Variants in GRM7 observed in about 807,000 individuals in gnomAD.
The protein encoded by GRM7 is glutamate metabotropic receptor 7.
In GRM7, 35 loss-of-function variants were observed where a neutral mutation model predicts 84.5. The ratio of observed to expected loss-of-function variants is 0.41; its 90% CI spans 0.32 to 0.55. The LOEUF is 0.55. GRM7 is among the 20% of genes least tolerant of loss of function. The pLI is 0.19. For missense variants in GRM7, 1,003 were observed against 1,194.6 expected (o/e 0.84, Z 2.36); for synonymous variants, 487 against 455.1 (o/e 1.07, Z -0.89).
At chr3:7,670,482 T>C (rs1699872015) in intron 8 of GRM7, among the ~76,000 whole-genome samples, 2 of 152,200 alleles carry the variant, frequency 1.3e-5, no homozygotes, top group South Asian at 4.1e-4. Flanking sequence ...TGACATTGTC[T>C]TCTTGTCGAT....
chr3:7,163,253 A>G (rs1284978528), intron 2 of GRM7, among the ~76,000 whole-genome samples: 1 of 152,216 alleles, frequency 6.6e-6, no homozygotes, highest in Non-Finnish European at 1.5e-5. Context: ...GAAAACACAG[A>G]AATATCAGAA....
intron 1 of GRM7, among the ~76,000 whole-genome samples, chr3:6,929,261 C>A (rs1697414578): frequency 6.6e-6 from 1 of 152,124 alleles, no homozygotes; most frequent in Admixed American, 6.6e-5. Flanking sequence ...AGCATCCACC[C>A]CTGCTCCTTG....
At chr3:6,926,373 A>C (rs929855457) in intron 1 of GRM7, among the ~76,000 whole-genome samples, 2 of 152,132 alleles carry the variant, frequency 1.3e-5, no homozygotes, top group African/African-American at 4.8e-5. Flanking sequence ...TAGTGTTTTA[A>C]TCTTATGTTT....
chr3:7,461,516 C>T (rs1698246396), intron 6 of GRM7, 67 bp from the exon 7 acceptor site: 2 of 1,302,666 alleles, frequency 1.5e-6, no homozygotes, highest in Non-Finnish European at 2.2e-6. Context: ...GCCTGTCACC[C>T]ATAGTACAAG....
chr3:7,129,263 C>T (rs1453033464), intron 1 of GRM7, among the ~76,000 whole-genome samples: 1 of 152,162 alleles, frequency 6.6e-6, no homozygotes, highest in Non-Finnish European at 1.5e-5. Flanking sequence ...TTGCCTTCTA[C>T]ACAAATACTT....
intron 2 of GRM7, among the ~76,000 whole-genome samples, chr3:7,282,968 T>C (rs1342943593): frequency 6.6e-6 from 1 of 152,214 alleles, no homozygotes; most frequent in Non-Finnish European, 1.5e-5. Context: ...ACTAAGTTTT[T>C]ATCACTGGGC....
chr3:6,956,926 A>G (rs1335481716), intron 1 of GRM7, among the ~76,000 whole-genome samples: 1 of 152,256 alleles, frequency 6.6e-6, no homozygotes, highest in Non-Finnish European at 1.5e-5. Context: ...TTAAAATAAC[A>G]TGCAATGATA....
At chr3:7,641,410 G>A (rs1215683268) in intron 8 of GRM7, among the ~76,000 whole-genome samples, 1 of 152,146 alleles carries the variant, frequency 6.6e-6, no homozygotes, top group African/African-American at 2.4e-5. Flanking sequence ...AACAGGTGAA[G>A]AATAAAACCA....
At chr3:7,410,571 C>A (rs1052378272) in intron 4 of GRM7, among the ~76,000 whole-genome samples, 3 of 139,106 alleles carry the variant, frequency 2.2e-5, no homozygotes, top group African/African-American at 5.6e-5. Context: ...GACCCTGTCT[C>A]AAAAAAACAA....
At chr3:7,208,983 A>G (rs879831313) in intron 2 of GRM7, among the ~76,000 whole-genome samples, 2 of 152,228 alleles carry the variant, frequency 1.3e-5, no homozygotes, top group Non-Finnish European at 2.9e-5. Context: ...TGATAAAACC[A>G]TCATAAGTTG....
In GRM7 at chr3:7,146,438, T is replaced by C. The variant is rs1694113458; in HGVS notation, c.520-14T>C. On this transcript the variant is annotated splice_polypyrimidine_tract_variant and intron_variant, in intron 1 of 9. Coordinates refer to ENST00000357716, the MANE Select transcript of GRM7 (RefSeq NM_000844.4). The stretch of plus-strand genomic sequence containing the variant: ...GACGGTGCACTCTCACGTGGTGCTT[T>C]CTTGTCTTTGCAGATCCCCCAGATT... 1 of 1,599,884 alleles carries C rather than the reference T, an allele frequency of 6.3e-7. No individual in the cohort carries two copies. The highest frequency in any genetic ancestry group is 8.6e-7 in the Non-Finnish European group (1 of 1,168,234).
intron 1 of GRM7, among the ~76,000 whole-genome samples, chr3:7,137,033 T>C (rs566036308): frequency 8.1e-4 from 124 of 152,268 alleles, no homozygotes; most frequent in African/African-American, 2.9e-3. Context: ...CACCTTTTAG[T>C]GATTAATGTG....
At chr3:6,919,114 A>G (rs1145133) in intron 1 of GRM7, among the ~76,000 whole-genome samples, 105,715 of 151,806 alleles carry the variant, frequency 0.7, 37,913 homozygotes, top group African/African-American at 0.89. Context: ...TTCTTGCCTC[A>G]TTGGTCTAAT....
At chr3:7,230,490 T>C (rs1471590370) in intron 2 of GRM7, among the ~76,000 whole-genome samples, 1 of 152,194 alleles carries the variant, frequency 6.6e-6, no homozygotes, top group Non-Finnish European at 1.5e-5. Context: ...TTCTTAGTGT[T>C]CAGCTCTGAG....
chr3:7,125,251 A>G (rs936216084), intron 1 of GRM7, among the ~76,000 whole-genome samples: 1 of 152,114 alleles, frequency 6.6e-6, no homozygotes, highest in Non-Finnish European at 1.5e-5. Flanking sequence ...ATAGTTTTTT[A>G]TTAGCTGCAC....
At chr3:7,389,694 T>G (rs1404022293) in intron 4 of GRM7, among the ~76,000 whole-genome samples, 1 of 152,128 alleles carries the variant, frequency 6.6e-6, no homozygotes, top group African/African-American at 2.4e-5. Flanking sequence ...GTTTTTGTTT[T>G]ATATTTGCAT....
At chr3:7,073,563 C>A (rs1016831901) in intron 1 of GRM7, among the ~76,000 whole-genome samples, 2 of 152,020 alleles carry the variant, frequency 1.3e-5, no homozygotes, top group Non-Finnish European at 2.9e-5. Flanking sequence ...TTCTTTGATT[C>A]CTAAGTGACT....
chr3:7,029,902 T>C (rs1216979937), intron 1 of GRM7, among the ~76,000 whole-genome samples: 1 of 152,220 alleles, frequency 6.6e-6, no homozygotes, highest in East Asian at 1.9e-4. Context: ...AAGTTATACA[T>C]TTATGTATAA....
intron 2 of GRM7, among the ~76,000 whole-genome samples, chr3:7,192,193 C>G (rs2125106191): frequency 6.6e-6 from 1 of 152,242 alleles, no homozygotes; most frequent in South Asian, 2.1e-4. Flanking sequence ...GTTGAGAAGA[C>G]CTGGTAAGGC....
Sources: allele counts gnomAD v4.1 joint callset (sites outside exome capture counted in the v4.1 genomes callset), GRCh38; gene constraint gnomAD v4.1.1; transcripts MANE v1.5; gene names NCBI Gene and HGNC (gene_info 2026-07-23, HGNC 2026-07-21).